LAMA3: variants seen among roughly 807,000 people sequenced by gnomAD.
LAMA3 encodes laminin subunit alpha-3.
A neutral mutation model predicts 402.0 loss-of-function variants in LAMA3; 281 were observed. The ratio of observed to expected loss-of-function variants is 0.70; its 90% confidence interval spans 0.63 to 0.77. The LOEUF (loss-of-function observed/expected upper bound fraction) is 0.77. LAMA3 is among the 30% of genes least tolerant of loss of function. The pLI, the probability that LAMA3 is intolerant of heterozygous loss-of-function variation, is 0.00. For synonymous variants in LAMA3, 1,431 were observed against 1,558.4 expected (o/e 0.92, Z 1.93); for missense variants, 3,840 against 4,215.5 (o/e 0.91, Z 2.47).
rs2082852707 is a variant in LAMA3 at position 23,950,079 on chromosome 18, C to A, written c.9562C>A (p.Pro3188Thr). ...PEFKLVFSIR[P>T]RSLTGILIHI... ...ATTTAAGCTTGTTTTCAGCATCCGC[C>A]CAAGAAGTCTCACTGGGATCCTAAT... The change falls in exon 72 of 75, where the codon CCA (proline) becomes ACA (threonine). Residue 3188 changes from proline to threonine, a missense_variant. By Grantham distance (38) the Pro-to-Thr change is conservative. Coordinates refer to ENST00000313654, the MANE Select transcript of LAMA3 (RefSeq NM_198129.4). 3 of 1,613,944 alleles carry A rather than the reference C, an allele frequency of 1.9e-6. No homozygotes were observed. The highest frequency in any genetic ancestry group is 2.5e-6 in the Non-Finnish European group (3 of 1,180,016).
intron 11 of LAMA3, among the ~76,000 whole-genome samples, chr18:23,781,701 G>A (rs573159384): frequency 9.9e-5 from 15 of 152,258 alleles, no homozygotes; most frequent in East Asian, 7.7e-4. Flanking sequence ...CAATCCAGTC[G>A]ACTCCCAGTC....
In LAMA3 at chr18:23,871,610, T is replaced by G; in HGVS notation, c.4947T>G (p.Leu1649=). The G allele has an allele frequency of 1.9e-6, 3 of 1,613,878 alleles. No homozygotes were observed. The highest frequency in any genetic ancestry group is 8.5e-7 in the Non-Finnish European group (1 of 1,179,878). The change falls in exon 38 of 75, where the codon CTT becomes CTG. Residue 1649 remains leucine (L), a synonymous_variant. Coordinates refer to ENST00000313654, the MANE Select transcript of LAMA3 (RefSeq NM_198129.4). The stretch of plus-strand genomic sequence containing the variant: ...ACACAGGAAGTGGGCGCATAGCACT[T>G]GCTGTGGAAATCTGTGCCTGCCCCC... ...ASDTGSGRIA[L]AVEICACPPA...
intron 1 of LAMA3, among the ~76,000 whole-genome samples, chr18:23,696,658 GC>G (rs1478408356): frequency 2.0e-5 from 3 of 152,072 alleles, no homozygotes; most frequent in Admixed American, 2.0e-4. Context: ...GTGTGAACAC[GC>G]CCGGCTAATT....
At position 23,756,047 on chromosome 18, in the gene LAMA3, T is replaced by C. The variant is rs550768484; in HGVS notation, c.947+2235T>C. Among the ~76,000 whole-genome samples the C allele has an allele frequency of 3.3e-4, 50 of 152,280 alleles. No individual in the cohort carries two copies. In the South Asian group the frequency reaches 9.5e-3, roughly 29 times the overall value. On this transcript the variant is annotated intron_variant, in intron 6 of 74. Coordinates refer to ENST00000313654, the MANE Select transcript of LAMA3 (RefSeq NM_198129.4). The stretch of plus-strand genomic sequence containing the variant: ...TTGAAGCAGTCTTCCCTAAATAATC[T>C]TGTAGTCTAGCTAATGTCAAATGTT...
rs2081159231 is a variant in LAMA3 at position 23,904,035 on chromosome 18, G to A, written c.6421G>A (p.Glu2141Lys). 6.2e-7 allele frequency: 1 copy of A among 1,614,160 alleles called. No homozygotes were observed. Among genetic ancestry groups the A allele is most frequent in the Non-Finnish European group, 8.5e-7 (1 of 1,180,052 alleles). Residue 2141 changes from glutamate to lysine, a missense_variant, in exon 50 of 75, where the codon GAG (glutamate) becomes AAG (lysine). By Grantham distance (56) the Glu-to-Lys change is moderately conservative. This residue lies in a region of LAMA3 where 891 missense variants were observed against 857.5 expected (regional missense o/e 1.04). Transcript: ENST00000313654. ...RSAGKTSLVE[E>K]AEKHARSLQE... ...TGCTGGCAAAACATCCCTTGTGGAG[G>A]AGGCAGAAAAGCACGCGCGGTCCTT...
intron 8 of LAMA3, among the ~76,000 whole-genome samples, chr18:23,765,428 T>G (rs1284540011): frequency 1.3e-5 from 2 of 152,212 alleles, no homozygotes; most frequent in African/African-American, 4.8e-5. Flanking sequence ...TAGTTACCAC[T>G]TAAGAGTCAG....
intron 8 of LAMA3, 56 bp from the exon 9 acceptor site, chr18:23,773,441 A>C: frequency 9.6e-7 from 1 of 1,043,036 alleles, no homozygotes; most frequent in Non-Finnish European, 1.5e-6. Flanking sequence ...AGCACAAAAT[A>C]AGGAGAATCG....
intron 40 of LAMA3, among the ~76,000 whole-genome samples, 156 bp downstream of exon 40, chr18:23,882,201 T>C (rs1009332225): frequency 6.6e-6 from 1 of 152,170 alleles, no homozygotes; most frequent in Non-Finnish European, 1.5e-5. Context: ...AAATTGATTG[T>C]GGTGGTGTTT....
intron 1 of LAMA3, among the ~76,000 whole-genome samples, chr18:23,700,945 A>C (rs1043228985): frequency 3.9e-5 from 6 of 152,010 alleles, no homozygotes; most frequent in African/African-American, 1.2e-4. Flanking sequence ...CTATCCTCTC[A>C]TCTCCGCCTC....
intron 32 of LAMA3, among the ~76,000 whole-genome samples, chr18:23,855,714 T>C (rs72873050): frequency 0.079 from 12,033 of 152,180 alleles, 604 homozygotes; most frequent in Non-Finnish European, 0.12. Flanking sequence ...TCCGATCCTC[T>C]CCCAGAGTTT....
intron 20 of LAMA3, among the ~76,000 whole-genome samples, 183 bp from the exon 21 acceptor site, chr18:23,824,240 T>C (rs1291188633): frequency 2.0e-5 from 3 of 152,246 alleles, no homozygotes; most frequent in African/African-American, 2.4e-5. Context: ...AGTATCTTTC[T>C]AGCCTATTTT....
intron 12 of LAMA3, among the ~76,000 whole-genome samples, chr18:23,796,804 G>T (rs967493400): frequency 2.6e-5 from 4 of 152,090 alleles, no homozygotes; most frequent in African/African-American, 9.7e-5. Flanking sequence ...CTCCCAAAGT[G>T]CTGGGATTAT....
At chr18:23,893,234 A>G (rs2080749790) in intron 42 of LAMA3, among the ~76,000 whole-genome samples, 1 of 152,122 alleles carries the variant, frequency 6.6e-6, no homozygotes, top group African/African-American at 2.4e-5. Context: ...TGCTGTTGTG[A>G]AGGTAGATAG....
chr18:23,869,073 A>G (rs570087483), intron 37 of LAMA3, among the ~76,000 whole-genome samples: 39 of 152,356 alleles, frequency 2.6e-4, no homozygotes, highest in Admixed American at 2.4e-3. Context: ...GACAGGTGAT[A>G]TCAGTAAAAT....
At chr18:23,853,362 C>T (rs1568258096) in intron 32 of LAMA3, among the ~76,000 whole-genome samples, 2 of 152,142 alleles carry the variant, frequency 1.3e-5, no homozygotes, top group South Asian at 2.1e-4. Context: ...CAACCTCTGC[C>T]TCCAGGGTTC....
chr18:23,779,213 T>A (rs1008998398), intron 11 of LAMA3, among the ~76,000 whole-genome samples: 1 of 151,418 alleles, frequency 6.6e-6, no homozygotes, highest in Non-Finnish European at 1.5e-5. Flanking sequence ...CCATGGAGAG[T>A]TTTGCACAGA....
chr18:23,882,695 T>C (rs188113049), intron 40 of LAMA3, among the ~76,000 whole-genome samples: 287 of 152,214 alleles, frequency 1.9e-3, no homozygotes, highest in Non-Finnish European at 2.9e-3. Context: ...TTTCTTTTAC[T>C]GTTCATTCAG....
intron 25 of LAMA3, 62 bp from the exon 26 acceptor site, chr18:23,838,719 G>A: frequency 1.2e-6 from 1 of 868,570 alleles, no homozygotes; most frequent in Non-Finnish European, 2.0e-6. Flanking sequence ...GGTGTTTTTG[G>A]CCATACCGTT....
At position 23,914,851 on chromosome 18, in the gene LAMA3, T is replaced by C. The variant is rs769840241; in HGVS notation, c.7635T>C (p.Pro2545=). 3.1e-6 allele frequency: 5 copies of C among 1,610,990 alleles called. No homozygotes were observed. The highest frequency in any genetic ancestry group is 4.2e-6 in the Non-Finnish European group (5 of 1,177,212). The change falls in exon 58 of 75, where the codon CCT becomes CCC. Residue 2545 remains proline (P), a synonymous_variant. Coordinates refer to ENST00000313654, the MANE Select transcript of LAMA3 (RefSeq NM_198129.4). ...TATTTTATGTTGGAGGTTACCCACC[T>C]GATTTTAAAGTAAGTGTAAATGTTA... ...NVVFYVGGYP[P]DFKLPSRLSF... is the part of the protein sequence containing the mutation.
Sources: gnomAD v4.1 joint callset for allele counts (sites outside exome capture counted in the v4.1 genomes callset) on GRCh38, gnomAD v4.1.1 for gene constraint, gnomAD v4.1.1 regional missense constraint, MANE v1.5 for transcripts, NCBI Gene and HGNC (gene_info 2026-07-23, HGNC 2026-07-21) for gene names.